TOP2A: variants seen among roughly 807,000 people sequenced by gnomAD.
TOP2A encodes the protein DNA topoisomerase 2-alpha.
TOP2A carries 68 observed loss-of-function variants against 187.2 expected under a neutral mutation model. The ratio of observed to expected loss-of-function variants is 0.36; its 90% CI spans 0.30 to 0.44. The LOEUF is 0.44. Among genes scored for constraint, TOP2A ranks in the 20% least tolerant of loss-of-function variants. The pLI is 1.00. For missense variants in TOP2A, 1,196 were observed against 1,808.7 expected, an observed-to-expected ratio of 0.66 and a Z score of 6.14; for synonymous variants, 542 against 593.2, an observed-to-expected ratio of 0.91 and a Z score of 1.25.
At chr17:40,405,349 C>T (rs189534926) in intron 16 of TOP2A, among the ~76,000 whole-genome samples, 1 of 151,802 alleles carries the variant, frequency 6.6e-6, no homozygotes, top group Non-Finnish European at 1.5e-5. Context: ...TGGGGTTTCA[C>T]CATGTTGGTC....
chr17:40,409,533 T>C, intron 10 of TOP2A: 3 of 426,432 alleles, frequency 7.0e-6, no homozygotes, highest in Non-Finnish European at 1.4e-5. Flanking sequence ...CCGAGGATGG[T>C]GGATCAAGTG....
chr17:40,408,131 TA>T lies in TOP2A; in HGVS notation c.1343-8del, dbSNP rs1363008458. On this transcript the variant is annotated splice_polypyrimidine_tract_variant and splice_region_variant and intron_variant, in intron 11 of 34. Transcript: ENST00000423485. ...TCAGTGGAGTTTCGGCCCCCTAAAA[TA>T]AAAATATACATATTAATATTAGCAC... is the stretch of plus-strand genomic sequence containing the variant. 5.1e-6 allele frequency: 8 copies of T among 1,583,358 alleles called. No individual in the cohort carries two copies. The highest frequency in any genetic ancestry group is 1.4e-5 in the African/African-American group (1 of 73,290).
At position 40,408,014 on chromosome 17, in the gene TOP2A, G is replaced by A; in HGVS notation, c.1453C>T (p.Pro485Ser). Residue 485 changes from proline (P) to serine (S), a missense_variant, in exon 12 of 35, where the codon CCT (proline) becomes TCT (serine). Coordinates refer to ENST00000423485, the MANE Select transcript of TOP2A (RefSeq NM_001067.4). ...VVGRDKYGVF[P>S]LRGKILNVRE... is the part of the protein sequence containing the mutation. Reference sequence around the variant, plus strand: ...ACATTGAGTATTTTTCCTCTAAGAGGGAAAACCCCATATTTGTCTCTCCCA... The same window carrying A: ...ACATTGAGTATTTTTCCTCTAAGAGAGAAAACCCCATATTTGTCTCTCCCA... 6.2e-7 allele frequency: 1 copy of A among 1,613,248 alleles called. No individual in the cohort carries two copies. Among genetic ancestry groups the A allele is most frequent in the Non-Finnish European group, 8.5e-7 (1 of 1,179,574 alleles).
chr17:40,389,627 A>T lies in TOP2A; in HGVS notation c.4488T>A (p.Asp1496Glu). The change falls in exon 35 of 35, where the codon GAT becomes GAA. Residue 1496 changes from aspartate (D) to glutamate (E), a missense_variant. Transcript: ENST00000423485. ...CTGAGTCAAAGTCCATATGGAAGTCATCACTCTCCCCCTTGGATTTCTAAA... is the reference window on the plus strand; with the variant it reads ...CTGAGTCAAAGTCCATATGGAAGTCTTCACTCTCCCCCTTGGATTTCTAAA... ...VTSKKSKGES[D>E]DFHMDFDSAV... The T allele has an allele frequency of 1.2e-6, 2 of 1,610,292 alleles. No homozygotes were observed. Among genetic ancestry groups the T allele is most frequent in the Non-Finnish European group, 1.7e-6 (2 of 1,178,228 alleles).
intron 19 of TOP2A, among the ~76,000 whole-genome samples, chr17:40,403,310 T>C (rs1291128968): frequency 1.3e-5 from 2 of 152,210 alleles, no homozygotes; most frequent in African/African-American, 2.4e-5. Flanking sequence ...CAAAATGAAA[T>C]ATTTCCTCCT....
At chr17:40,402,246 T>C (rs1436045763) in intron 20 of TOP2A, among the ~76,000 whole-genome samples, 1 of 152,214 alleles carries the variant, frequency 6.6e-6, no homozygotes, top group African/African-American at 2.4e-5. Flanking sequence ...TTTGAGATAC[T>C]TAACTAGATA....
chr17:40,396,183 T>C (rs1180690920), intron 28 of TOP2A, 100 bp downstream of exon 28: 1 of 620,882 alleles, frequency 1.6e-6, no homozygotes, highest in Admixed American at 3.1e-5. Context: ...GTTTCAACCA[T>C]GTTGGGAGGC....
In TOP2A at chr17:40,408,137, T is replaced by TATAC; in HGVS notation, c.1343-17_1343-14dup. On this transcript the variant is annotated splice_polypyrimidine_tract_variant and intron_variant, in intron 11 of 34. Coordinates refer to ENST00000423485, the MANE Select transcript of TOP2A (RefSeq NM_001067.4). ...GAGTTTCGGCCCCCTAAAATAAAAA[T>TATAC]ATACATATTAATATTAGCACATTTA... is the stretch of plus-strand genomic sequence containing the variant. The TATAC allele has an allele frequency of 6.4e-7, 1 of 1,569,182 alleles. No homozygotes were observed. The highest frequency in any genetic ancestry group is 8.7e-7 in the Non-Finnish European group (1 of 1,156,058).
intron 1 of TOP2A, 107 bp downstream of exon 1, chr17:40,417,664 C>T: frequency 6.4e-7 from 1 of 1,571,190 alleles, no homozygotes. Flanking sequence ...GCTCCCAAGC[C>T]GGTCGCCGGC....
At position 40,392,074 on chromosome 17, in the gene TOP2A, C is replaced by T. The variant is rs375032248; in HGVS notation, c.4126G>A (p.Val1376Met). 7.9e-5 allele frequency: 128 copies of T among 1,611,642 alleles called. No homozygotes were observed. The highest frequency in any genetic ancestry group is 1.0e-4 in the Non-Finnish European group (119 of 1,179,178). The change falls in exon 32 of 35, where the codon GTG becomes ATG. Residue 1376 changes from valine to methionine, a missense_variant. Physicochemically the swap from Val to Met is conservative, Grantham distance 21 (BLOSUM62 1). Around this residue, in one of 10 missense-constraint regions of TOP2A, gnomAD observed 374 missense variants for 403.3 expected, o/e 0.93. Transcript: ENST00000423485. ...NKELKPQKSV[V>M]SDLEADDVKG... ...CTTTTACTTAAATACATACCTGACA[C>T]GACACTTTTCTGTGGTTTCAGTTCT...
chr17:40,404,221 G>A lies in TOP2A; in HGVS notation c.2214C>T (p.Asp738=), dbSNP rs751250163. Residue 738 remains aspartate, a synonymous_variant, in exon 19 of 35, where the codon GAC becomes GAT. Transcript: ENST00000423485. ...KVLFTCFKRN[D]KREVKVAQLA... ...ATTGGGCAACCTTTACTTCTCGCTT[G>A]TCATTCCGTTTGAAGCAAGTAAACA... 4.3e-6 allele frequency: 7 copies of A among 1,613,846 alleles called. No homozygotes were observed. The Admixed American group carries it at 8.3e-5, about 19-fold the overall frequency.
Position 40,392,290 on chromosome 17 carries a change from A to AAAT in TOP2A, c.4013_4015dup (p.Asp1338_Phe1339insTyr), listed in dbSNP as rs1162681319. 2 of 1,606,586 alleles carry AAAT rather than the reference A, an allele frequency of 1.2e-6. No homozygotes were observed. Among genetic ancestry groups the AAAT allele is most frequent in the Non-Finnish European group, 1.7e-6 (2 of 1,175,968 alleles). On this transcript the variant is annotated inframe_insertion, in exon 31 of 35. Coordinates refer to ENST00000423485, the MANE Select transcript of TOP2A (RefSeq NM_001067.4). ...ATCTTCATCATCAGTTTTTTCATCA[A>AAAT]AATCTGAGAAATCTTCATCTGAATC...
chr17:40,390,356 T>C (rs2035007206), intron 33 of TOP2A, among the ~76,000 whole-genome samples, 192 bp from the exon 34 acceptor site: 1 of 151,404 alleles, frequency 6.6e-6, no homozygotes, highest in African/African-American at 2.4e-5. Context: ...ACCCGGCTAA[T>C]TTTTTGTATT....
In TOP2A at chr17:40,411,717, C is replaced by A; in HGVS notation, c.891G>T (p.Trp297Cys). 1 of 1,613,430 alleles carries A rather than the reference C, an allele frequency of 6.2e-7. No individual in the cohort carries two copies. Among genetic ancestry groups the A allele is most frequent in the Non-Finnish European group, 8.5e-7 (1 of 1,179,728 alleles). The change falls in exon 8 of 35, where the codon TGG (tryptophan) becomes TGT (cysteine). Residue 297 changes from tryptophan (W) to cysteine (C), a missense_variant. Coordinates refer to ENST00000423485, the MANE Select transcript of TOP2A (RefSeq NM_001067.4). The surrounding 1 kb of genome is among the most constrained non-coding windows in gnomAD (Gnocchi z 4.4). ...KVIHEQVNHR[W>C]EVCLTMSEKG... is the part of the protein sequence containing the mutation. The stretch of plus-strand genomic sequence containing the variant: ...TTTCACTCATAGTTAAACACACTTC[C>A]CACCTGTGGTTTACTTGTTCATGTA...
Position 40,400,900 on chromosome 17 carries a change from T to C in TOP2A, c.2614A>G (p.Ile872Val). The change falls in exon 21 of 35, where the codon ATT becomes GTT. Residue 872 changes from isoleucine to valine, a missense_variant. Physicochemically the swap from Ile to Val is conservative, Grantham distance 29. Around this residue, in one of 10 missense-constraint regions of TOP2A, gnomAD observed 232 missense variants for 306.1 expected, o/e 0.76. Coordinates refer to ENST00000423485, the MANE Select transcript of TOP2A (RefSeq NM_001067.4). ...ATCAAACGCCTGATGTTATTTACAA[T>C]TTCACGCACATCAAAGTTGGGGATT... The part of the protein sequence containing the change: ...CKIPNFDVRE[I>V]VNNIRRLMDG... 1 of 1,613,986 alleles carries C rather than the reference T, an allele frequency of 6.2e-7. No individual in the cohort carries two copies. The highest frequency in any genetic ancestry group is 1.3e-5 in the African/African-American group (1 of 75,044).
At position 40,389,965 on chromosome 17, in the gene TOP2A, C is replaced by G; in HGVS notation, c.4467G>C (p.Lys1489Asn). The stretch of plus-strand genomic sequence containing the variant: ...AGGACTGACTAGGATCAACACTCAC[C>G]TTGCTTGTGACTGCTTTCGAAACAA... ...EKIVSKAVTS[K>N]KSKGESDDFH... Residue 1489 changes from lysine to asparagine, a missense_variant and splice_region_variant, in exon 34 of 35, where the codon AAG (lysine) becomes AAC (asparagine). By Grantham distance (94) the Lys-to-Asn change is moderately conservative. This residue lies in a region of TOP2A where 374 missense variants were observed against 403.3 expected (regional missense o/e 0.93). Transcript: ENST00000423485. 2 of 1,612,232 alleles carry G rather than the reference C, an allele frequency of 1.2e-6. No homozygotes were observed. Among genetic ancestry groups the G allele is most frequent in the Non-Finnish European group, 1.7e-6 (2 of 1,178,988 alleles).
intron 16 of TOP2A, among the ~76,000 whole-genome samples, chr17:40,405,447 G>A (rs1190268370): frequency 1.5e-5 from 2 of 133,370 alleles, no homozygotes; most frequent in South Asian, 2.3e-4. Flanking sequence ...CACTGCGCCC[G>A]ACCTTTTTTG....
chr17:40,389,413 C>A lies in TOP2A; in HGVS notation c.*106G>T. ...ACTTTGATGTCTTGTACTAAAAACA[C>A]CTTCCCCAAACTAAATTCAGAGGGG... On this transcript the variant is annotated 3_prime_UTR_variant, in exon 35 of 35. Transcript: ENST00000423485. 1 of 1,345,478 alleles carries A rather than the reference C, an allele frequency of 7.4e-7. No homozygotes were observed. Among genetic ancestry groups the A allele is most frequent in the Non-Finnish European group, 1.0e-6 (1 of 999,802 alleles). 83.3% of individuals were successfully genotyped at this position (1,345,478 alleles called of 1,614,324 possible).
chr17:40,411,139 T>C lies in TOP2A; in HGVS notation c.1173A>G (p.Thr391=). The change falls in exon 10 of 35, where the codon ACA becomes ACG. Residue 391 remains threonine, a synonymous_variant. Coordinates refer to ENST00000423485, the MANE Select transcript of TOP2A (RefSeq NM_001067.4). This position sits in a 1 kb window ranked among gnomAD's most constrained non-coding sequence, Gnocchi z 4.4. ...TGATAAATTTTTCACTCAATTGGCATGTTGATCCAAAGCTCTTGGGTTGTA... is the reference window on the plus strand; with the variant it reads ...TGATAAATTTTTCACTCAATTGGCACGTTGATCCAAAGCTCTTGGGTTGTA... ...MTLQPKSFGS[T]CQLSEKFIKA... is the part of the protein sequence containing the mutation. 3 of 1,610,978 alleles carry C rather than the reference T, an allele frequency of 1.9e-6. No individual in the cohort carries two copies. Among genetic ancestry groups the C allele is most frequent in the Non-Finnish European group, 2.5e-6 (3 of 1,179,000 alleles).
Sources: gnomAD v4.1 joint callset for allele counts (sites outside exome capture counted in the v4.1 genomes callset) on GRCh38, gnomAD v4.1.1 for gene constraint, gnomAD v4.1.1 regional missense constraint, Gnocchi (gnomAD v3.1) non-coding constraint, MANE v1.5 for transcripts, NCBI Gene and HGNC (gene_info 2026-07-23, HGNC 2026-07-21) for gene names.